CLUAP1: variants seen among roughly 807,000 people sequenced by gnomAD.
CLUAP1 encodes the protein clusterin-associated protein 1.
In CLUAP1, 50 loss-of-function variants were observed where a neutral mutation model predicts 55.0. The ratio of observed to expected loss-of-function variants is 0.91; its 90% CI spans 0.72 to 1.15. CLUAP1 has a LOEUF of 1.15. Ranked by LOEUF, CLUAP1 falls within the 50% of genes most tolerant of loss-of-function variation. The pLI is 0.00. For missense variants in CLUAP1, 530 were observed against 507.6 expected, an observed-to-expected ratio of 1.04 and a Z score of -0.42; for synonymous variants, 195 against 175.4, an observed-to-expected ratio of 1.11 and a Z score of -0.88.
At chr16:3,495,799 C>A in the CLUAP1 span, among the ~76,000 whole-genome samples, 8 of 152,074 alleles carry the variant, frequency 5.3e-5, no homozygotes, top group Admixed American at 1.3e-4. Flanking sequence ...AGACCTAGGT[C>A]GGTACTTTGA....
chr16:3,521,527 C>T (rs542652932), intron 7 of CLUAP1, among the ~76,000 whole-genome samples: 15 of 151,644 alleles, frequency 9.9e-5, no homozygotes, highest in African/African-American at 3.4e-4. Context: ...CTCTGCCTCC[C>T]GGATTCAAGC....
At chr16:3,530,526 A>G (rs776052648) in intron 9 of CLUAP1, 42 bp from the exon 10 acceptor site, 36 of 1,450,570 alleles carry the variant, frequency 2.5e-5, no homozygotes, top group Non-Finnish European at 3.5e-5. Flanking sequence ...CGTTGTGATC[A>G]TGAAGCCACT....
intron 8 of CLUAP1, among the ~76,000 whole-genome samples, chr16:3,525,338 A>C (rs560566497): frequency 6.6e-6 from 1 of 152,262 alleles, no homozygotes; most frequent in Non-Finnish European, 1.5e-5. Flanking sequence ...AGTGGCAGGT[A>C]GGTGGCCCAG....
chr16:3,519,006 T>TGG (rs1230199746), intron 6 of CLUAP1, among the ~76,000 whole-genome samples: 1 of 152,160 alleles, frequency 6.6e-6, no homozygotes, highest in Non-Finnish European at 1.5e-5. Context: ...GCCAGAACCC[T>TGG]GGGGGGCAGT....
intron 9 of CLUAP1, among the ~76,000 whole-genome samples, chr16:3,529,560 AT>A (rs1265402671): frequency 3.0e-4 from 15 of 49,350 alleles, no homozygotes; most frequent in African/African-American, 9.3e-4. Flanking sequence ...ATTATATATT[AT>A]TATATATTAT....
Position 3,515,592 on chromosome 16 carries a change from G to A in CLUAP1, c.579+1G>A. The A allele has an allele frequency of 6.3e-7, 1 of 1,580,912 alleles. No individual in the cohort carries two copies. Among genetic ancestry groups the A allele is most frequent in the Non-Finnish European group, 8.6e-7 (1 of 1,167,676 alleles). ...GAGAATTGCAATAAAAGAGATTTTG[G>A]TAAGATGACTTTGCTTTTATATAAT... On this transcript the variant is annotated splice_donor_variant, in intron 6 of 11. Transcript: ENST00000576634. LOFTEE classifies it high-confidence loss of function.
At position 3,501,057 on chromosome 16, in the gene CLUAP1, A is replaced by G. The variant is rs777495289; in HGVS notation, c.-11A>G. On this transcript the variant is annotated 5_prime_UTR_variant, in exon 1 of 12. Transcript: ENST00000576634. ...CAGTTGCGACCCTGGGCTCCTGGGG[A>G]CCTGAGCGTTATGTCTTTCCGCGAC... 4 of 1,599,574 alleles carry G rather than the reference A, an allele frequency of 2.5e-6. No individual in the cohort carries two copies. The East Asian group carries it at 9.0e-5, about 36-fold the overall frequency.
chr16:3,530,384 T>C (rs1222049576), intron 9 of CLUAP1, 184 bp from the exon 10 acceptor site: 1 of 564,918 alleles, frequency 1.8e-6, no homozygotes, highest in Non-Finnish European at 3.1e-6. Flanking sequence ...CATGTATTAA[T>C]TTTATTTTAA....
At chr16:3,523,544 G>A (rs776016367) in intron 8 of CLUAP1, among the ~76,000 whole-genome samples, 4 of 152,240 alleles carry the variant, frequency 2.6e-5, no homozygotes, top group Non-Finnish European at 4.4e-5. Context: ...AGACAGGGCC[G>A]ACATGAGGCC....
chr16:3,515,355 A>G, intron 5 of CLUAP1, 153 bp from the exon 6 acceptor site: 1 of 577,224 alleles, frequency 1.7e-6, no homozygotes, highest in South Asian at 2.2e-5. Context: ...GGAAGACATT[A>G]TAGGAGGTGA....
intron 9 of CLUAP1, among the ~76,000 whole-genome samples, chr16:3,527,555 G>C (rs185579221): frequency 1.3e-5 from 2 of 151,910 alleles, no homozygotes; most frequent in African/African-American, 2.4e-5. Context: ...CTTTCCCCGG[G>C]GGAGTTTAGA....
intron 11 of CLUAP1, chr16:3,533,147 A>AAGAAGCAGGTTGGT: frequency 6.5e-7 from 1 of 1,536,106 alleles, no homozygotes; most frequent in Non-Finnish European, 8.7e-7. Flanking sequence ...TTCCAGCTCC[A>AAGAAGCAGGTTGGT]AGAAGCAGGT....
chr16:3,525,704 A>T (rs140699519), intron 8 of CLUAP1, among the ~76,000 whole-genome samples: 1 of 152,060 alleles, frequency 6.6e-6, no homozygotes, highest in South Asian at 2.1e-4. Flanking sequence ...AGCTGGGACT[A>T]TAGGCACTTG....
At chr16:3,529,652 ATTATATATTATATAT>A (rs1169265256) in intron 9 of CLUAP1, among the ~76,000 whole-genome samples, 3,648 of 20,928 alleles carry the variant, frequency 0.17, 559 homozygotes, top group Middle Eastern at 0.39. Flanking sequence ...ATTATATATT[ATTATATATTATATAT>A]TATTATATAT....
intron 1 of CLUAP1, among the ~76,000 whole-genome samples, chr16:3,503,111 A>C (rs2037438454): frequency 6.6e-6 from 1 of 151,664 alleles, no homozygotes; most frequent in Non-Finnish European, 1.5e-5. Flanking sequence ...AGTAACTGGA[A>C]TTATAGGCGC....
At chr16:3,506,797 G>A (rs1046712985) in intron 3 of CLUAP1, among the ~76,000 whole-genome samples, 62 of 152,182 alleles carry the variant, frequency 4.1e-4, no homozygotes, top group African/African-American at 1.4e-3. Context: ...GCCACCACGC[G>A]CCTGGCCTGA....
At chr16:3,500,985 G>T, upstream of CLUAP1, 3 of 1,416,758 alleles carry the variant, frequency 2.1e-6, no homozygotes, top group South Asian at 3.6e-5. Context: ...TCCATTGGTT[G>T]CCATAGAGAT....
intron 9 of CLUAP1, among the ~76,000 whole-genome samples, chr16:3,526,935 G>C (rs2037955765): frequency 6.6e-6 from 1 of 152,222 alleles, no homozygotes; most frequent in Non-Finnish European, 1.5e-5. Context: ...CTGGGATGCA[G>C]TGCAGGGAGA....
upstream of CLUAP1, among the ~76,000 whole-genome samples, chr16:3,498,814 C>T (rs1003755084): frequency 1.3e-5 from 2 of 151,790 alleles, no homozygotes; most frequent in African/African-American, 2.4e-5. Context: ...GAGCCGAGAT[C>T]GCACCACTGG....
Sources: allele counts gnomAD v4.1 joint callset (sites outside exome capture counted in the v4.1 genomes callset), GRCh38; gene constraint gnomAD v4.1.1; transcripts MANE v1.5; gene names NCBI Gene and HGNC (gene_info 2026-07-23, HGNC 2026-07-21).